Variants in BBS9 observed in about 807,000 individuals in gnomAD.
BBS9 encodes the protein Bardet-Biedl syndrome 9, also known as protein PTHB1.
A neutral mutation model predicts 117.7 loss-of-function variants in BBS9; 89 were observed. The ratio of observed to expected loss-of-function variants is 0.76; its 90% CI spans 0.64 to 0.90. The LOEUF is 0.90. Among genes scored for constraint, BBS9 ranks in the 40% least tolerant of loss-of-function variants. BBS9 has a pLI of 0.00. For missense variants in BBS9, 982 were observed against 1,042.2 expected, an observed-to-expected ratio of 0.94 and a Z score of 0.80; for synonymous variants, 379 against 370.9, an observed-to-expected ratio of 1.02 and a Z score of -0.25.
intron 17 of BBS9, chr7:33,379,869 G>T (rs1824629749): frequency 6.6e-6 from 1 of 152,200 alleles, no homozygotes; most frequent in Non-Finnish European, 1.5e-5. Flanking sequence ...TCAGAATCTG[G>T]GAGTTGTAAA....
At chr7:33,473,032 A>G (rs1364227024) in intron 19 of BBS9, among the ~76,000 whole-genome samples, 2 of 152,148 alleles carry the variant, frequency 1.3e-5, no homozygotes, top group East Asian at 1.9e-4. Context: ...TGGGCCCTGG[A>G]TGGCCCTGCC....
chr7:33,512,651 G>A (rs926339797), intron 20 of BBS9, among the ~76,000 whole-genome samples: 5 of 152,180 alleles, frequency 3.3e-5, no homozygotes, highest in Admixed American at 2.6e-4. Flanking sequence ...CCTAGTTTGA[G>A]TCTGCTAATT....
chr7:33,418,411 C>T (rs1444461477), intron 19 of BBS9, among the ~76,000 whole-genome samples: 1 of 152,154 alleles, frequency 6.6e-6, no homozygotes, highest in Non-Finnish European at 1.5e-5. Context: ...CAGTGTTTGG[C>T]AGGGTGACTT....
At chr7:33,305,284 T>C (rs1402466278) in intron 9 of BBS9, among the ~76,000 whole-genome samples, 1 of 152,192 alleles carries the variant, frequency 6.6e-6, no homozygotes, top group Non-Finnish European at 1.5e-5. Flanking sequence ...ATCTTTTTAA[T>C]GTGTTTTTGA....
At chr7:33,151,637 C>T (rs1242376280) in intron 2 of BBS9, among the ~76,000 whole-genome samples, 1 of 151,852 alleles carries the variant, frequency 6.6e-6, no homozygotes, top group Non-Finnish European at 1.5e-5. Context: ...GCAGCCTCCA[C>T]TTCCCGGATT....
chr7:33,449,513 A>T (rs1019541851), intron 19 of BBS9, among the ~76,000 whole-genome samples: 1 of 152,094 alleles, frequency 6.6e-6, no homozygotes, highest in African/African-American at 2.4e-5. Flanking sequence ...GGGTGGACAG[A>T]TGACTTCCTG....
rs111466003 is a variant in BBS9, at chr7:33,433,218, C to T, written c.2115+45074C>T. ...ATAGGCAATTAAAATTTTGCATTTG[C>T]TGGTATCACAAGTCTTTCGTTAATG... On this transcript the variant is annotated intron_variant, in intron 19 of 22. Coordinates refer to ENST00000242067, the MANE Select transcript of BBS9 (RefSeq NM_198428.3). Among the ~76,000 whole-genome samples, 59 of 152,196 alleles carry T rather than the reference C, an allele frequency of 3.9e-4. 1 individual carries two copies. Among genetic ancestry groups the T allele is most frequent in the African/African-American group, 1.3e-3 (56 of 41,518 alleles).
chr7:33,527,641 A>C (rs1585135128), intron 20 of BBS9, among the ~76,000 whole-genome samples: 1 of 152,210 alleles, frequency 6.6e-6, no homozygotes, highest in South Asian at 2.1e-4. Flanking sequence ...ACCTGCGCCC[A>C]CTGTCTGGCA....
At chr7:33,264,248 A>G (rs778233942) in intron 6 of BBS9, 42 bp from the exon 7 acceptor site, 13 of 1,039,142 alleles carry the variant, frequency 1.3e-5, no homozygotes, top group Non-Finnish European at 1.7e-5. Flanking sequence ...ATAATTTTTA[A>G]TTATAAACTC....
chr7:33,492,797 C>A (rs1844171173), intron 19 of BBS9, among the ~76,000 whole-genome samples: 1 of 137,734 alleles, frequency 7.3e-6, no homozygotes, highest in South Asian at 2.3e-4. Flanking sequence ...CACTTATCAT[C>A]TAGTATAGGA....
At chr7:33,303,785 A>C (rs1807103414) in intron 9 of BBS9, among the ~76,000 whole-genome samples, 1 of 152,034 alleles carries the variant, frequency 6.6e-6, no homozygotes, top group African/African-American at 2.4e-5. Flanking sequence ...CTGGGATTGC[A>C]GATGGAGTCT....
At chr7:33,219,606 G>A (rs1789812391) in intron 5 of BBS9, among the ~76,000 whole-genome samples, 1 of 152,160 alleles carries the variant, frequency 6.6e-6, no homozygotes, top group Non-Finnish European at 1.5e-5. Context: ...AGCTACTCTG[G>A]TGGGGCCTTG....
chr7:33,362,422 C>T (rs1221137922), intron 16 of BBS9, among the ~76,000 whole-genome samples: 5 of 151,984 alleles, frequency 3.3e-5, no homozygotes, highest in Non-Finnish European at 7.4e-5. Context: ...GTCTCTTCCC[C>T]ATTTTGTGCT....
chr7:33,560,119 C>G (rs957351602), intron 21 of BBS9, among the ~76,000 whole-genome samples: 5 of 152,128 alleles, frequency 3.3e-5, no homozygotes, highest in Admixed American at 3.3e-4. Flanking sequence ...GCAGTGGGAT[C>G]CTTGAGGATA....
At chr7:33,420,518 G>T (rs1464187813) in intron 19 of BBS9, among the ~76,000 whole-genome samples, 1 of 152,116 alleles carries the variant, frequency 6.6e-6, no homozygotes, top group African/African-American at 2.4e-5. Context: ...CGAGGTTTGG[G>T]CAGGAATCCA....
chr7:33,255,596 C>T (rs2128309093), intron 5 of BBS9, among the ~76,000 whole-genome samples: 1 of 152,204 alleles, frequency 6.6e-6, no homozygotes, highest in South Asian at 2.1e-4. Flanking sequence ...TTAGTGGGAC[C>T]TGGGAATCCT....
At chr7:33,563,486 G>A (rs1294882008) in intron 21 of BBS9, among the ~76,000 whole-genome samples, 1 of 152,124 alleles carries the variant, frequency 6.6e-6, no homozygotes, top group African/African-American at 2.4e-5. Flanking sequence ...ATGTCATTCT[G>A]ATCCGAAATA....
chr7:33,364,718 C>T (rs1821333697), intron 16 of BBS9, among the ~76,000 whole-genome samples: 1 of 124,298 alleles, frequency 8.0e-6, no homozygotes, highest in South Asian at 3.4e-4. Flanking sequence ...CCATCCTGTC[C>T]TCCTCCCCCT....
At chr7:33,359,454 T>C (rs192065661) in intron 16 of BBS9, among the ~76,000 whole-genome samples, 1 of 152,138 alleles carries the variant, frequency 6.6e-6, no homozygotes, top group East Asian at 1.9e-4. Flanking sequence ...GGCTCAATTG[T>C]TTTGATGTCA....
Sources: allele counts gnomAD v4.1 joint callset (sites outside exome capture counted in the v4.1 genomes callset), GRCh38; gene constraint gnomAD v4.1.1; transcripts MANE v1.5; gene names NCBI Gene and HGNC (gene_info 2026-07-23, HGNC 2026-07-21).